The following LAMA2 variants were observed in gnomAD, a reference collection of about 807,000 sequenced individuals.
The protein encoded by LAMA2 is laminin subunit alpha 2, also known as laminin subunit alpha-2.
LAMA2 carries 269 observed loss-of-function variants against 364.8 expected under a neutral mutation model. That is an observed-to-expected ratio of 0.74 (90% CI 0.67 to 0.82). The LOEUF (loss-of-function observed/expected upper bound fraction) is 0.82. Ranked by LOEUF, LAMA2 falls within the 40% of genes least tolerant of loss-of-function variation. The pLI is 0.00. For synonymous variants in LAMA2, 1,379 were observed against 1,370.6 expected, an observed-to-expected ratio of 1.01 and a Z score of -0.14; for missense variants, 3,807 against 3,873.2, an observed-to-expected ratio of 0.98 and a Z score of 0.45.
intron 1 of LAMA2, among the ~76,000 whole-genome samples, chr6:128,956,478 A>T (rs1201429665): frequency 6.6e-6 from 1 of 152,064 alleles, no homozygotes; most frequent in Non-Finnish European, 1.5e-5. Flanking sequence ...GGTGAAACAT[A>T]GCACTGGATA....
At chr6:129,343,283 C>T (rs1353084669) in intron 30 of LAMA2, among the ~76,000 whole-genome samples, 1 of 152,196 alleles carries the variant, frequency 6.6e-6, no homozygotes, top group African/African-American at 2.4e-5. Flanking sequence ...GAGTGTTAAA[C>T]AGCCACAGAG....
At chr6:129,402,852 T>C (rs1481478469) in intron 39 of LAMA2, among the ~76,000 whole-genome samples, 2 of 152,382 alleles carry the variant, frequency 1.3e-5, no homozygotes, top group East Asian at 3.9e-4. Flanking sequence ...GTTTCATGTT[T>C]CTAATGGAAT....
intron 12 of LAMA2, among the ~76,000 whole-genome samples, chr6:129,196,344 T>C (rs1467496053): frequency 6.6e-6 from 1 of 152,156 alleles, no homozygotes; most frequent in African/African-American, 2.4e-5. Flanking sequence ...GAAACTGATA[T>C]TTGAGATTTG....
intron 12 of LAMA2, among the ~76,000 whole-genome samples, chr6:129,219,600 G>C (rs371660352): frequency 1.3e-5 from 2 of 148,240 alleles, no homozygotes; most frequent in African/African-American, 5.0e-5. Flanking sequence ...ATGATAGACT[G>C]GATTAAGAAA....
At chr6:129,147,745 G>A (rs564192842) in intron 6 of LAMA2, among the ~76,000 whole-genome samples, 2 of 151,894 alleles carry the variant, frequency 1.3e-5, no homozygotes, top group African/African-American at 4.8e-5. Context: ...ATGTAAATCG[G>A]GCCACAGATT....
chr6:129,209,719 A>G lies in LAMA2; in HGVS notation c.1782+16866A>G, dbSNP rs148676605. On this transcript the variant is annotated intron_variant, in intron 12 of 64. Transcript: ENST00000421865. ...GGAGTCTTTATTTAAAATGTTTATTATTGGCCGGGCGCGGTGGCTCACGCC... is the reference window on the plus strand; with the variant it reads ...GGAGTCTTTATTTAAAATGTTTATTGTTGGCCGGGCGCGGTGGCTCACGCC... Among the ~76,000 whole-genome samples the G allele has an allele frequency of 3.5e-4, 53 of 152,140 alleles. No individual in the cohort carries two copies. The East Asian group carries it at 6.6e-3, about 19-fold the overall frequency.
At chr6:129,054,008 A>G (rs895813205) in intron 2 of LAMA2, among the ~76,000 whole-genome samples, 4 of 152,222 alleles carry the variant, frequency 2.6e-5, no homozygotes, top group African/African-American at 9.6e-5. Context: ...AAGCATAGGC[A>G]AAAACCTTAT....
intron 48 of LAMA2, among the ~76,000 whole-genome samples, chr6:129,459,793 T>C (rs1783153725): frequency 6.6e-6 from 1 of 152,090 alleles, no homozygotes; most frequent in Non-Finnish European, 1.5e-5. Flanking sequence ...GAACACCTTC[T>C]GTATATCAGG....
At chr6:129,085,273 G>T (rs888694139) in intron 3 of LAMA2, among the ~76,000 whole-genome samples, 1 of 152,114 alleles carries the variant, frequency 6.6e-6, no homozygotes, top group Non-Finnish European at 1.5e-5. Flanking sequence ...TCTAGTGAAG[G>T]CTTTTACAAA....
rs140574226 is a variant in LAMA2 at position 129,453,105 on chromosome 6, C to T, written c.6547C>T (p.Leu2183Phe). ...NVKTAVADNLLFYLGSAKFID... is the reference protein window; with the variant it reads ...NVKTAVADNLFFYLGSAKFID... The stretch of plus-strand genomic sequence containing the variant: ...AAAGACAGCTGTTGCTGATAACCTC[C>T]TCTTTTATCTTGGAAGTGCCAAATT... Residue 2183 changes from leucine to phenylalanine, a missense_variant, in exon 46 of 65, where the codon CTC (leucine) becomes TTC (phenylalanine). Coordinates refer to ENST00000421865, the MANE Select transcript of LAMA2 (RefSeq NM_000426.4). 12 of 1,612,966 alleles carry T rather than the reference C, an allele frequency of 7.4e-6. No individual in the cohort carries two copies. Among genetic ancestry groups the T allele is most frequent in the African/African-American group, 2.7e-5 (2 of 74,982 alleles).
chr6:128,884,576 C>A (rs939444683), intron 1 of LAMA2, among the ~76,000 whole-genome samples: 7 of 152,150 alleles, frequency 4.6e-5, no homozygotes, highest in African/African-American at 1.7e-4. Flanking sequence ...AATAATAACT[C>A]CCTGATTAAA....
intron 1 of LAMA2, among the ~76,000 whole-genome samples, chr6:128,903,713 T>G (rs1777231678): frequency 2.0e-5 from 3 of 152,216 alleles, no homozygotes; most frequent in Admixed American, 2.0e-4. Context: ...TAATAATGCT[T>G]AGAACATCTT....
intron 1 of LAMA2, among the ~76,000 whole-genome samples, chr6:129,031,973 C>T (rs1480889804): frequency 1.3e-5 from 2 of 152,150 alleles, no homozygotes; most frequent in African/African-American, 4.8e-5. Context: ...GCATACACTA[C>T]CATGCCTGGC....
chr6:128,932,590 A>G (rs1448040480), intron 1 of LAMA2, among the ~76,000 whole-genome samples: 1 of 152,216 alleles, frequency 6.6e-6, no homozygotes, highest in Non-Finnish European at 1.5e-5. Context: ...AATGGTCCTT[A>G]GGAAGGCCAG....
intron 17 of LAMA2, among the ~76,000 whole-genome samples, chr6:129,277,650 C>T (rs1788422910): frequency 6.6e-6 from 1 of 152,102 alleles, no homozygotes; most frequent in Admixed American, 6.6e-5. Flanking sequence ...ATACTAAATT[C>T]TCCTGGAAAT....
chr6:129,350,141 G>T (rs1776776759), intron 31 of LAMA2, among the ~76,000 whole-genome samples: 1 of 152,028 alleles, frequency 6.6e-6, no homozygotes. Flanking sequence ...ACCACTTTTG[G>T]TATATTTTAG....
At chr6:129,026,535 G>T (rs1181170100) in intron 1 of LAMA2, among the ~76,000 whole-genome samples, 1 of 152,132 alleles carries the variant, frequency 6.6e-6, no homozygotes, top group African/African-American at 2.4e-5. Context: ...AGAAGAAAGA[G>T]AATTTATTGT....
intron 8 of LAMA2, among the ~76,000 whole-genome samples, chr6:129,155,164 A>T (rs145944210): frequency 0.026 from 4,012 of 152,256 alleles, 83 homozygotes; most frequent in Non-Finnish European, 0.04. Flanking sequence ...AGAAATTAGG[A>T]TCATTTCCAG....
chr6:128,926,302 T>C (rs1023612979), intron 1 of LAMA2, among the ~76,000 whole-genome samples: 1 of 152,014 alleles, frequency 6.6e-6, no homozygotes, highest in African/African-American at 2.4e-5. Context: ...GAGGTTAGAG[T>C]ATGAATACCA....
Sources: gnomAD v4.1 joint callset for allele counts (sites outside exome capture counted in the v4.1 genomes callset) on GRCh38, gnomAD v4.1.1 for gene constraint, MANE v1.5 for transcripts, NCBI Gene and HGNC (gene_info 2026-07-23, HGNC 2026-07-21) for gene names.